Variants in RBM44 observed in about 807,000 individuals in gnomAD.
RBM44 encodes the protein RNA binding motif protein 44.
RBM44 carries 66 observed loss-of-function variants against 105.1 expected under a neutral mutation model. That is an observed-to-expected ratio of 0.63 (90% CI 0.52 to 0.77). The LOEUF (loss-of-function observed/expected upper bound fraction) is 0.77, where lower values mean the gene tolerates loss of function less well. Among genes scored for constraint, RBM44 ranks in the 30% least tolerant of loss-of-function variants. The pLI is 0.00. For missense variants in RBM44, 1,122 were observed against 1,207.8 expected, an observed-to-expected ratio of 0.93 and a Z score of 1.05; for synonymous variants, 365 against 417.6, an observed-to-expected ratio of 0.87 and a Z score of 1.54.
chr2:237,839,383 G>A (rs1276948865), intron 15 of RBM44, among the ~76,000 whole-genome samples: 1 of 152,058 alleles, frequency 6.6e-6, no homozygotes, highest in African/African-American at 2.4e-5. Flanking sequence ...AAGCGATTCT[G>A]CCTCAGCCTC....
rs941497196 is a variant in RBM44 at position 237,818,903 on chromosome 2, T to C, written c.1680T>C (p.Asp560=). ...LKPNGNFLNK[D]FLELRKACGI... ...TTAATTTTAAATCATATTTTCAGGA[T>C]TTCCTGGAATTAAGAAAAGCATGTG... Residue 560 remains aspartate (D), a splice_region_variant and synonymous_variant, in exon 4 of 16, where the codon GAT becomes GAC. Coordinates refer to ENST00000316997, the MANE Select transcript of RBM44 (RefSeq NM_001080504.3). This position sits in a 1 kb window ranked among gnomAD's most constrained non-coding sequence, Gnocchi z 4.6. The C allele has an allele frequency of 1.2e-5, 18 of 1,446,068 alleles. No homozygotes were observed. The highest frequency in any genetic ancestry group is 1.7e-5 in the Non-Finnish European group (18 of 1,060,130). 89.6% of individuals were successfully genotyped at this position (1,446,068 alleles called of 1,614,324 possible).
At chr2:237,816,921 C>A in intron 2 of RBM44, 72 bp from the exon 3 acceptor site, 1 of 919,644 alleles carries the variant, frequency 1.1e-6, no homozygotes, top group Non-Finnish European at 1.6e-6. Context: ...TAAACCAGAT[C>A]ATGTCTAAGG....
intron 13 of RBM44, 40 bp from the exon 14 acceptor site, chr2:237,833,957 C>T: frequency 8.0e-7 from 1 of 1,247,230 alleles, no homozygotes; most frequent in Non-Finnish European, 1.1e-6. Flanking sequence ...ATGTAATGGT[C>T]CTTACTGATT....
chr2:237,804,050 A>G (rs868164963), intron 1 of RBM44, among the ~76,000 whole-genome samples: 1 of 151,978 alleles, frequency 6.6e-6, no homozygotes, highest in Middle Eastern at 3.2e-3. Context: ...TTGTATTTTT[A>G]GTAGAGACAG....
chr2:237,801,609 G>A (rs1179063472), intron 1 of RBM44, among the ~76,000 whole-genome samples: 2 of 152,124 alleles, frequency 1.3e-5, no homozygotes, highest in African/African-American at 4.8e-5. Context: ...TTACAGTTGT[G>A]AGCCACCGCA....
At chr2:237,839,643 CT>C (rs1490434501) in intron 15 of RBM44, among the ~76,000 whole-genome samples, 1 of 152,144 alleles carries the variant, frequency 6.6e-6, no homozygotes, top group East Asian at 1.9e-4. Context: ...CAAAAATCAA[CT>C]AAAATGAATC....
intron 2 of RBM44, among the ~76,000 whole-genome samples, chr2:237,816,043 G>A (rs2061711437): frequency 6.6e-6 from 1 of 152,126 alleles, no homozygotes; most frequent in Non-Finnish European, 1.5e-5. Flanking sequence ...ATACTCGTAA[G>A]AGTTCTTTCA....
intron 13 of RBM44, among the ~76,000 whole-genome samples, chr2:237,831,164 C>T (rs569697870): frequency 1.3e-5 from 2 of 149,014 alleles, no homozygotes; most frequent in South Asian, 4.3e-4. Context: ...AAGTCAGGCA[C>T]AGCCCTTCCT....
At chr2:237,800,691 C>G (rs1420456724) in intron 1 of RBM44, among the ~76,000 whole-genome samples, 1 of 149,764 alleles carries the variant, frequency 6.7e-6, no homozygotes, top group East Asian at 1.9e-4. Context: ...TGGATATTAC[C>G]CAAATAAAAA....
Position 237,820,300 on chromosome 2 carries a change from ATTG to A in RBM44, c.1867_1869del (p.Cys623del), listed in dbSNP as rs2061771251. 1.2e-6 allele frequency: 2 copies of A among 1,601,512 alleles called. No individual in the cohort carries two copies. Among genetic ancestry groups the A allele is most frequent in the African/African-American group, 1.3e-5 (1 of 74,420 alleles). On this transcript the variant is annotated inframe_deletion, in exon 5 of 16. Coordinates refer to ENST00000316997, the MANE Select transcript of RBM44 (RefSeq NM_001080504.3). ...GTTCACTATCAGATGTGTCGTCGCC[ATTG>A]TTGTGATATTTACAAACTTGTCATG...
chr2:237,826,421 C>T (rs1030584428), intron 10 of RBM44, among the ~76,000 whole-genome samples: 1 of 151,986 alleles, frequency 6.6e-6, no homozygotes, highest in Non-Finnish European at 1.5e-5. Flanking sequence ...ATCTATAATC[C>T]TAGTATTTGT....
At chr2:237,810,080 TA>T (rs559670541) in intron 1 of RBM44, among the ~76,000 whole-genome samples, 11 of 152,330 alleles carry the variant, frequency 7.2e-5, no homozygotes, top group African/African-American at 1.2e-4. Flanking sequence ...ACACAGTATA[TA>T]AAAAATATTT....
Position 237,817,643 on chromosome 2 carries a change from G to A in RBM44, c.724G>A (p.Gly242Ser). 6.2e-7 allele frequency: 1 copy of A among 1,612,836 alleles called. No individual in the cohort carries two copies. Among genetic ancestry groups the A allele is most frequent in the Non-Finnish European group, 8.5e-7 (1 of 1,179,384 alleles). ...VEDNRVNSGS[G>S]SIISFDSLDV... ...AGATAATCGTGTTAACTCGGGAAGT[G>A]GTTCTATCATCTCTTTCGATTCACT... The change falls in exon 3 of 16, where the codon GGT (glycine) becomes AGT (serine). Residue 242 changes from glycine to serine, a missense_variant. By Grantham distance (56) the Gly-to-Ser change is moderately conservative. Coordinates refer to ENST00000316997, the MANE Select transcript of RBM44 (RefSeq NM_001080504.3).
In RBM44 at chr2:237,821,790, T is replaced by G. The variant is rs772387866; in HGVS notation, c.2168T>G (p.Val723Gly). 19 of 1,611,386 alleles carry G rather than the reference T, an allele frequency of 1.2e-5. No homozygotes were observed. The highest frequency in any genetic ancestry group is 1.7e-4 in the Middle Eastern group (1 of 6,034). ...AEQDNQRAHD[V>G]DVSSNLKKTL... ...CAAGATAATCAGAGGGCTCATGATGTTGATGTTTCTTCAAACCTAAAAAAG... is the reference window on the plus strand; with the variant it reads ...CAAGATAATCAGAGGGCTCATGATGGTGATGTTTCTTCAAACCTAAAAAAG... The change falls in exon 8 of 16, where the codon GTT becomes GGT. Residue 723 changes from valine (V) to glycine (G), a missense_variant. Val to Gly is a moderately radical substitution (Grantham distance 109, BLOSUM62 -3). Around this residue, in one of 3 missense-constraint regions of RBM44, gnomAD observed 918 missense variants for 955.3 expected, o/e 0.96. Coordinates refer to ENST00000316997, the MANE Select transcript of RBM44 (RefSeq NM_001080504.3).
At chr2:237,821,574 A>G (rs1261150404) in intron 7 of RBM44, among the ~76,000 whole-genome samples, 169 bp from the exon 8 acceptor site, 3 of 152,126 alleles carry the variant, frequency 2.0e-5, no homozygotes, top group African/African-American at 7.2e-5. Flanking sequence ...GTACTAATCA[A>G]GTTGATATTC....
Position 237,817,518 on chromosome 2 carries a change from A to T in RBM44, c.599A>T (p.His200Leu). The change falls in exon 3 of 16, where the codon CAT becomes CTT. Residue 200 changes from histidine (H) to leucine (L), a missense_variant. This residue lies in a region of RBM44 where 918 missense variants were observed against 955.3 expected (regional missense o/e 0.96). Transcript: ENST00000316997. Reference sequence around the variant, plus strand: ...GAAGAACAAGAATACATAAGTAACCATTTATCTTTTGACCAAACAAAAGCA... The same window carrying T: ...GAAGAACAAGAATACATAAGTAACCTTTTATCTTTTGACCAAACAAAAGCA... ...SAEEQEYISN[H>L]LSFDQTKALD... The T allele has an allele frequency of 6.2e-7, 1 of 1,608,998 alleles. No homozygotes were observed. Among genetic ancestry groups the T allele is most frequent in the Non-Finnish European group, 8.5e-7 (1 of 1,177,238 alleles).
chr2:237,834,338 C>T lies in RBM44; in HGVS notation c.3093C>T (p.Gly1031=), dbSNP rs559140496. The change falls in exon 15 of 16, where the codon GGC becomes GGT. Residue 1031 remains glycine, a synonymous_variant. Coordinates refer to ENST00000316997, the MANE Select transcript of RBM44 (RefSeq NM_001080504.3). Reference sequence around the variant, plus strand: ...TAAGACATAAAGGTTTTCTGAATGGCTTATCTATTACTACTATTGTGGAGA... The same window carrying T: ...TAAGACATAAAGGTTTTCTGAATGGTTTATCTATTACTACTATTGTGGAGA... ...VRIRHKGFLN[G]LSITTIVEMT... The T allele has an allele frequency of 1.4e-4, 216 of 1,567,382 alleles. 2 individuals are homozygous for T. The South Asian group carries it at 2.2e-3, about 16-fold the overall frequency.
rs529676431 is a variant in RBM44, at chr2:237,821,360, AAC to A, written c.2116_2117del (p.His706CysfsTer8). On this transcript the variant is annotated frameshift_variant, in exon 7 of 16. Coordinates refer to ENST00000316997, the MANE Select transcript of RBM44 (RefSeq NM_001080504.3). LOFTEE classifies it high-confidence loss of function. Reference protein sequence around the residue: ...TFASRLMKKETHVFSEADAEQ... With the variant: ...TFASRLMKKEXHVFSEADAEQ... The stretch of plus-strand genomic sequence containing the variant: ...TCTCCTTCCAGCTAATGAAAAAAGA[AAC>A]ACATGTGTGAGTTATGGTTTCATTT... 2.1e-3 allele frequency: 3,209 copies of A among 1,560,958 alleles called. 8 individuals are homozygous for A. The highest frequency in any genetic ancestry group is 2.6e-3 in the Non-Finnish European group (2,959 of 1,150,756).
At chr2:237,820,093 T>A (rs79418672) in intron 4 of RBM44, 82 bp from the exon 5 acceptor site, 1 of 714,002 alleles carries the variant, frequency 1.4e-6, no homozygotes, top group African/African-American at 1.9e-5. Context: ...ATATAAAAAA[T>A]TTAAAATCTG....
Sources: allele counts gnomAD v4.1 joint callset (sites outside exome capture counted in the v4.1 genomes callset), GRCh38; gene constraint gnomAD v4.1.1; regional missense constraint gnomAD v4.1.1; non-coding constraint Gnocchi (gnomAD v3.1); transcripts MANE v1.5; gene names NCBI Gene and HGNC (gene_info 2026-07-23, HGNC 2026-07-21).